LRRTM4: variants seen among roughly 807,000 people sequenced by gnomAD.
The protein encoded by LRRTM4 is leucine rich repeat transmembrane neuronal 4, also known as leucine-rich repeat transmembrane neuronal protein 4.
A neutral mutation model predicts 47.6 loss-of-function variants in LRRTM4; 25 were observed. The ratio of observed to expected loss-of-function variants is 0.53; its 90% confidence interval spans 0.38 to 0.73. The LOEUF (loss-of-function observed/expected upper bound fraction) is 0.73. Among genes scored for constraint, LRRTM4 ranks in the 30% least tolerant of loss-of-function variants. LRRTM4 has a pLI of 0.00. For missense variants in LRRTM4, 638 were observed against 713.4 expected (o/e 0.89, Z 1.20); for synonymous variants, 311 against 269.5 (o/e 1.15, Z -1.51).
At chr2:76,785,418 G>A (rs1288679958) in intron 3 of LRRTM4, among the ~76,000 whole-genome samples, 1 of 152,080 alleles carries the variant, frequency 6.6e-6, no homozygotes, top group Non-Finnish European at 1.5e-5. Context: ...TAGCTCAGGA[G>A]CACTTCCAGT....
Position 77,338,530 on chromosome 2 carries a change from AC to A in LRRTM4, c.1551+179787del, listed in dbSNP as rs1349815784. Among the ~76,000 whole-genome samples, 3 of 152,040 alleles carry A rather than the reference AC, an allele frequency of 2.0e-5. No homozygotes were observed. The East Asian group carries it at 5.8e-4, about 29-fold the overall frequency. ...AATCATGAGAAAAATGCAAATCAAA[AC>A]CACAACGAGATATCATCTCATACCA... is the stretch of plus-strand genomic sequence containing the variant. On this transcript the variant is annotated intron_variant, in intron 3 of 3. Transcript: ENST00000409884.
chr2:77,243,425 T>TA (rs985104926), intron 3 of LRRTM4, among the ~76,000 whole-genome samples: 3 of 31,604 alleles, frequency 9.5e-5, no homozygotes, highest in Admixed American at 3.7e-4. Flanking sequence ...TAAAAAAAAA[T>TA]AAAAAAAATA....
rs1329977039 is a variant in LRRTM4, at chr2:77,455,590, A to G, written c.1551+62728T>C. On this transcript the variant is annotated intron_variant, in intron 3 of 3. Transcript: ENST00000409884. Reference sequence around the variant, plus strand: ...TCATACCCTTTTTTCCTATTCTCAAACCTCTTCTTTTCTCTCCCTCCTCCT... The same window carrying G: ...TCATACCCTTTTTTCCTATTCTCAAGCCTCTTCTTTTCTCTCCCTCCTCCT... Among the ~76,000 whole-genome samples the G allele has an allele frequency of 2.6e-5, 4 of 150,954 alleles. No individual in the cohort carries two copies. The East Asian group carries it at 7.9e-4, about 30-fold the overall frequency.
rs561243651 is a variant in LRRTM4 at position 76,846,059 on chromosome 2, A to G, written c.1552-97143T>C. The stretch of plus-strand genomic sequence containing the variant: ...ATTGGAGGGCCTGCTTTTCATATAT[A>G]TGCGCATTCAGTGGGGTCAAGTTTG... On this transcript the variant is annotated intron_variant, in intron 3 of 3. Transcript: ENST00000409884. 3.9e-5 allele frequency among the ~76,000 whole-genome samples: 6 copies of G among 152,220 alleles called. No homozygotes were observed. In the South Asian group the frequency reaches 1.0e-3, roughly 26 times the overall value.
chr2:77,450,761 T>TA (rs1676224739), intron 3 of LRRTM4, among the ~76,000 whole-genome samples: 1 of 152,230 alleles, frequency 6.6e-6, no homozygotes, highest in South Asian at 2.1e-4. Context: ...CTTATCACCT[T>TA]ATAGCTAGCC....
At chr2:77,240,054 T>C (rs964208980) in intron 3 of LRRTM4, among the ~76,000 whole-genome samples, 36 of 152,014 alleles carry the variant, frequency 2.4e-4, no homozygotes, top group African/African-American at 8.7e-4. Context: ...AACTTTAAAA[T>C]ATTTACAATA....
At chr2:77,244,868 A>G (rs1675387831) in intron 3 of LRRTM4, among the ~76,000 whole-genome samples, 1 of 152,164 alleles carries the variant, frequency 6.6e-6, no homozygotes, top group Non-Finnish European at 1.5e-5. Flanking sequence ...AAAGTTCATG[A>G]GAAAACAAAT....
intron 3 of LRRTM4, among the ~76,000 whole-genome samples, chr2:76,997,346 T>C (rs1456641020): frequency 1.8e-5 from 2 of 110,334 alleles, no homozygotes; most frequent in African/African-American, 8.3e-5. Flanking sequence ...AAATGCTTTA[T>C]TTCTCACTGT....
intron 3 of LRRTM4, among the ~76,000 whole-genome samples, chr2:77,155,541 T>C (rs575593398): frequency 3.3e-5 from 5 of 151,546 alleles, no homozygotes; most frequent in Non-Finnish European, 5.9e-5. Flanking sequence ...TATAAACACA[T>C]AGAAACTTTG....
chr2:77,365,705 C>T (rs977351638), intron 3 of LRRTM4, among the ~76,000 whole-genome samples: 3 of 150,980 alleles, frequency 2.0e-5, no homozygotes, highest in Admixed American at 2.0e-4. Flanking sequence ...ACTATGATGC[C>T]ATTAAATATA....
At chr2:77,041,712 T>C (rs1166967769) in intron 3 of LRRTM4, among the ~76,000 whole-genome samples, 1 of 151,282 alleles carries the variant, frequency 6.6e-6, no homozygotes, top group Admixed American at 6.6e-5. Flanking sequence ...TTGAGAAGTA[T>C]CTATTCACAT....
chr2:77,388,986 TAAG>T (rs940141518), intron 3 of LRRTM4, among the ~76,000 whole-genome samples: 61 of 152,216 alleles, frequency 4.0e-4, no homozygotes, highest in African/African-American at 1.4e-3. Flanking sequence ...TGAGAAGTTC[TAAG>T]GATAGTATGG....
At chr2:76,910,255 C>T (rs1454852357) in intron 3 of LRRTM4, among the ~76,000 whole-genome samples, 1 of 148,942 alleles carries the variant, frequency 6.7e-6, no homozygotes, top group African/African-American at 2.5e-5. Context: ...AACAAAAAAC[C>T]AAACACTGCA....
At chr2:76,936,954 C>CCAAAA (rs1674972645) in intron 3 of LRRTM4, among the ~76,000 whole-genome samples, 2 of 22,696 alleles carry the variant, frequency 8.8e-5, no homozygotes, top group Admixed American at 1.4e-3. Flanking sequence ...GACTCCATCT[C>CCAAAA]AAAAAAAAAA....
At chr2:77,145,454 G>A (rs924471564) in intron 3 of LRRTM4, among the ~76,000 whole-genome samples, 10 of 151,930 alleles carry the variant, frequency 6.6e-5, no homozygotes, top group African/African-American at 2.4e-4. Flanking sequence ...AAATCTTCTA[G>A]TCATTGGAGT....
intron 3 of LRRTM4, among the ~76,000 whole-genome samples, chr2:77,411,388 CTCTT>C (rs780434709): frequency 1.3e-5 from 2 of 151,466 alleles, no homozygotes; most frequent in Non-Finnish European, 2.9e-5. Flanking sequence ...CTTTCTTTCT[CTCTT>C]TCTTTCTTCT....
chr2:77,484,055 A>G (rs551639776), intron 3 of LRRTM4, among the ~76,000 whole-genome samples: 1 of 152,318 alleles, frequency 6.6e-6, no homozygotes, highest in African/African-American at 2.4e-5. Context: ...CCATTAGATA[A>G]AGGCATAGTG....
intron 3 of LRRTM4, among the ~76,000 whole-genome samples, chr2:77,173,522 T>C (rs1314203745): frequency 6.6e-6 from 1 of 152,128 alleles, no homozygotes; most frequent in Non-Finnish European, 1.5e-5. Context: ...TCACGGGTGG[T>C]TGACAGATAG....
At position 77,170,301 on chromosome 2, in the gene LRRTM4, T is replaced by C. The variant is rs537492578; in HGVS notation, c.1551+348017A>G. 1.1e-3 allele frequency among the ~76,000 whole-genome samples: 169 copies of C among 152,286 alleles called. 1 individual carries two copies. The highest frequency in any genetic ancestry group is 3.8e-3 in the African/African-American group (160 of 41,578). ...CTTTGAAGATGGAAGAAAGCGGATA[T>C]GAGCTGAGGAATGCAGCAACCTCTA... On this transcript the variant is annotated intron_variant, in intron 3 of 3. Transcript: ENST00000409884.
Sources: allele counts gnomAD v4.1 joint callset (sites outside exome capture counted in the v4.1 genomes callset), GRCh38; gene constraint gnomAD v4.1.1; transcripts MANE v1.5; gene names NCBI Gene and HGNC (gene_info 2026-07-23, HGNC 2026-07-21).